The following SUGCT variants were observed in gnomAD, a reference collection of about 807,000 sequenced individuals.
SUGCT encodes succinyl-CoA:glutarate CoA-transferase.
Under a neutral mutation model 55.0 loss-of-function variants are expected in SUGCT, and 41 were observed. That is an observed-to-expected ratio of 0.74 (90% CI 0.58 to 0.97). SUGCT has a LOEUF of 0.97. SUGCT is among the 50% of genes least tolerant of loss of function. The pLI is 0.00. For missense variants in SUGCT, 568 were observed against 547.8 expected (o/e 1.04, Z -0.37); for synonymous variants, 187 against 200.4 (o/e 0.93, Z 0.56).
chr7:40,552,557 G>A (rs958403447), intron 12 of SUGCT, among the ~76,000 whole-genome samples: 12 of 152,056 alleles, frequency 7.9e-5, no homozygotes, highest in Non-Finnish European at 1.0e-4. Context: ...GGGTTTGCCT[G>A]GCTTGTTCCA....
intron 11 of SUGCT, among the ~76,000 whole-genome samples, chr7:40,495,774 T>C (rs963309648): frequency 1.2e-4 from 19 of 152,236 alleles, no homozygotes; most frequent in African/African-American, 3.9e-4. Context: ...TCTTGAGTTG[T>C]GCTGGTTAGT....
intron 9 of SUGCT, among the ~76,000 whole-genome samples, chr7:40,437,818 T>C (rs1461088991): frequency 6.6e-6 from 1 of 152,172 alleles, no homozygotes; most frequent in Non-Finnish European, 1.5e-5. Flanking sequence ...CATTTAGCAA[T>C]GGTTACCTTT....
At chr7:40,329,971 C>T (rs1796224092) in intron 9 of SUGCT, among the ~76,000 whole-genome samples, 1 of 152,184 alleles carries the variant, frequency 6.6e-6, no homozygotes, top group South Asian at 2.1e-4. Context: ...GCACTCCTGC[C>T]TACTGTCTTC....
chr7:40,877,443 T>G, the SUGCT span, among the ~76,000 whole-genome samples: 71 of 152,326 alleles, frequency 4.7e-4, no homozygotes, highest in African/African-American at 1.7e-3. Context: ...TTTTTGATAA[T>G]GTACTGCAGG....
At chr7:40,756,261 C>T (rs1392653858) in intron 13 of SUGCT, among the ~76,000 whole-genome samples, 2 of 152,122 alleles carry the variant, frequency 1.3e-5, no homozygotes, top group Non-Finnish European at 2.9e-5. Flanking sequence ...AACTTAAGAA[C>T]ATTTTCTGGA....
chr7:40,262,881 G>A (rs1396380495), intron 7 of SUGCT, among the ~76,000 whole-genome samples: 1 of 152,154 alleles, frequency 6.6e-6, no homozygotes, highest in Admixed American at 6.5e-5. Flanking sequence ...AGTTCTAGTT[G>A]TATCATTTAC....
chr7:40,318,015 G>C (rs1242533788), intron 9 of SUGCT, among the ~76,000 whole-genome samples: 3 of 152,134 alleles, frequency 2.0e-5, no homozygotes, highest in African/African-American at 7.2e-5. Context: ...ATGACATTTT[G>C]CTTCTCCACT....
At chr7:40,816,529 C>T (rs2128762607) in intron 13 of SUGCT, among the ~76,000 whole-genome samples, 1 of 152,268 alleles carries the variant, frequency 6.6e-6, no homozygotes, top group African/African-American at 2.4e-5. Flanking sequence ...TTTTATCAGC[C>T]AGACACCATC....
At chr7:40,158,150 C>T (rs541888435) in intron 1 of SUGCT, among the ~76,000 whole-genome samples, 239 of 151,320 alleles carry the variant, frequency 1.6e-3, no homozygotes, top group South Asian at 0.013. Context: ...TGCAGTGAGC[C>T]GAGAGCGTAC....
In SUGCT at chr7:40,232,102, A is replaced by G. The variant is rs538807091; in HGVS notation, c.485-5533A>G. Among the ~76,000 whole-genome samples, 121 of 152,322 alleles carry G rather than the reference A, an allele frequency of 7.9e-4. 1 individual carries two copies. Among genetic ancestry groups the G allele is most frequent in the Admixed American group, 3.9e-4 (6 of 15,298 alleles). Reference sequence around the variant, plus strand: ...GGTAATAGAACAAGATCCTGTCTCAATCAATCAATCAGTCAATCACTGTGA... The same window carrying G: ...GGTAATAGAACAAGATCCTGTCTCAGTCAATCAATCAGTCAATCACTGTGA... On this transcript the variant is annotated intron_variant, in intron 6 of 13. Transcript: ENST00000335693.
the SUGCT span, among the ~76,000 whole-genome samples, chr7:40,916,610 C>G: frequency 6.6e-6 from 1 of 152,190 alleles, no homozygotes; most frequent in Non-Finnish European, 1.5e-5. Context: ...GAATACTTCT[C>G]TTTCTGAATC....
the SUGCT span, among the ~76,000 whole-genome samples, chr7:41,010,904 T>C: frequency 6.6e-6 from 1 of 152,226 alleles, no homozygotes; most frequent in Non-Finnish European, 1.5e-5. Flanking sequence ...AAATATGGTC[T>C]TGATGACTGA....
chr7:40,366,155 A>C (rs555292960), intron 9 of SUGCT, among the ~76,000 whole-genome samples: 5 of 152,248 alleles, frequency 3.3e-5, no homozygotes, highest in Non-Finnish European at 5.9e-5. Context: ...CAAAAACAAG[A>C]AATGGGGAAA....
intron 13 of SUGCT, among the ~76,000 whole-genome samples, chr7:40,852,899 A>G (rs959753788): frequency 1.3e-5 from 2 of 152,142 alleles, no homozygotes; most frequent in Non-Finnish European, 2.9e-5. Context: ...CTCCCACATC[A>G]GAAAGTAAAT....
rs116730821 is a variant in SUGCT at position 40,457,414 on chromosome 7, A to C, written c.889-1687A>C. ...AGCTGAGATCGTGCCCCTGCACTCC[A>C]GCCTACGCAGCAGTGTGAGACTGTC... On this transcript the variant is annotated intron_variant, in intron 10 of 13. Coordinates refer to ENST00000335693, the MANE Select transcript of SUGCT (RefSeq NM_001193313.2). 6.5e-3 allele frequency among the ~76,000 whole-genome samples: 995 copies of C among 152,176 alleles called. 8 individuals carry two copies. Among genetic ancestry groups the C allele is most frequent in the African/African-American group, 0.023 (966 of 41,512 alleles).
At chr7:40,561,131 G>A (rs930452444) in intron 12 of SUGCT, among the ~76,000 whole-genome samples, 3 of 152,150 alleles carry the variant, frequency 2.0e-5, no homozygotes, top group Non-Finnish European at 2.9e-5. Context: ...AATTCCTTAC[G>A]AGTGGGTAAG....
At chr7:40,868,217 G>A in the SUGCT span, among the ~76,000 whole-genome samples, 3 of 151,920 alleles carry the variant, frequency 2.0e-5, no homozygotes, top group African/African-American at 4.8e-5. Flanking sequence ...ACAAAAATAC[G>A]GGATACATGT....
chr7:40,491,330 C>T (rs553694057), intron 11 of SUGCT, among the ~76,000 whole-genome samples: 2 of 151,838 alleles, frequency 1.3e-5, no homozygotes, highest in African/African-American at 2.4e-5. Flanking sequence ...AGTTACAGTG[C>T]GAATGGAGGA....
intron 13 of SUGCT, chr7:40,793,368 TCTGATA>T (rs1198158942): frequency 6.6e-6 from 1 of 152,158 alleles, no homozygotes; most frequent in African/African-American, 2.4e-5. Context: ...TTGGTCAGCT[TCTGATA>T]CTTTTTACTT....
Sources: gnomAD v4.1 joint callset for allele counts (sites outside exome capture counted in the v4.1 genomes callset) on GRCh38, gnomAD v4.1.1 for gene constraint, MANE v1.5 for transcripts, NCBI Gene and HGNC (gene_info 2026-07-23, HGNC 2026-07-21) for gene names.